The following FGF14 variants were observed in gnomAD, a reference collection of about 807,000 sequenced individuals.
The protein encoded by FGF14 is fibroblast growth factor 14.
Under a neutral mutation model 25.5 loss-of-function variants are expected in FGF14, and 5 were observed. The ratio of observed to expected loss-of-function variants is 0.20; its 90% CI spans 0.10 to 0.41. The LOEUF is 0.41. Among genes scored for constraint, FGF14 ranks in the 10% least tolerant of loss-of-function variants. FGF14 has a pLI of 1.00. For synonymous variants in FGF14, 138 were observed against 118.3 expected, an observed-to-expected ratio of 1.17 and a Z score of -1.08; for missense variants, 222 against 320.1, an observed-to-expected ratio of 0.69 and a Z score of 2.34.
At chr13:101,926,119 G>A (rs542255566) in intron 1 of FGF14, among the ~76,000 whole-genome samples, 13 of 152,250 alleles carry the variant, frequency 8.5e-5, no homozygotes, top group South Asian at 2.1e-4. Context: ...GTAAACTGAC[G>A]TATTCACATA....
intron 3 of FGF14, among the ~76,000 whole-genome samples, chr13:101,772,712 T>A (rs1263730533): frequency 6.6e-6 from 1 of 152,128 alleles, no homozygotes; most frequent in African/African-American, 2.4e-5. Flanking sequence ...ATCCCACAAA[T>A]TCTTCAAGTT....
chr13:102,342,544 T>C (rs949744948), intron 1 of FGF14, among the ~76,000 whole-genome samples: 3 of 152,224 alleles, frequency 2.0e-5, no homozygotes, highest in Non-Finnish European at 2.9e-5. Flanking sequence ...GCAATGGCAA[T>C]GACTAATTCT....
intron 1 of FGF14, among the ~76,000 whole-genome samples, chr13:101,948,846 G>C (rs1010589295): frequency 6.6e-6 from 1 of 152,040 alleles, no homozygotes; most frequent in Non-Finnish European, 1.5e-5. Context: ...ACTTTGCCTT[G>C]AATTTTTTAA....
intron 1 of FGF14, among the ~76,000 whole-genome samples, chr13:102,081,591 A>G (rs1449571422): frequency 3.9e-5 from 6 of 152,202 alleles, no homozygotes; most frequent in African/African-American, 1.4e-4. Flanking sequence ...TCTTTTTAAA[A>G]AAAAAATTGT....
At chr13:102,101,954 C>A (rs1303844022) in intron 1 of FGF14, among the ~76,000 whole-genome samples, 6 of 152,140 alleles carry the variant, frequency 3.9e-5, no homozygotes, top group Admixed American at 1.3e-4. Context: ...CCACCTGTCT[C>A]GGCCTCCCAA....
At chr13:102,216,695 A>T (rs571916932) in intron 1 of FGF14, among the ~76,000 whole-genome samples, 1 of 152,168 alleles carries the variant, frequency 6.6e-6, no homozygotes, top group Non-Finnish European at 1.5e-5. Flanking sequence ...ATTTTCAAAC[A>T]TACAACATAT....
chr13:101,817,322 T>C (rs2041894164), intron 3 of FGF14, among the ~76,000 whole-genome samples: 1 of 152,152 alleles, frequency 6.6e-6, no homozygotes. Flanking sequence ...TACAATTAAT[T>C]AACAAAGAAT....
At chr13:101,911,668 C>A (rs2032948395) in intron 1 of FGF14, among the ~76,000 whole-genome samples, 1 of 152,034 alleles carries the variant, frequency 6.6e-6, no homozygotes, top group African/African-American at 2.4e-5. Context: ...TTAGAAATTG[C>A]ATTTATAGTA....
intron 3 of FGF14, among the ~76,000 whole-genome samples, chr13:101,824,446 G>T: frequency 6.6e-6 from 1 of 151,864 alleles, no homozygotes; most frequent in African/African-American, 2.4e-5. Context: ...TTACTTCTTC[G>T]TTTTCTCTCC....
At chr13:101,882,225 T>G (rs938888586) in intron 1 of FGF14, among the ~76,000 whole-genome samples, 11 of 152,134 alleles carry the variant, frequency 7.2e-5, no homozygotes, top group African/African-American at 2.4e-4. Context: ...TGCTGCTTGA[T>G]TCATTCACAG....
At chr13:102,009,217 T>C (rs1433711989) in intron 1 of FGF14, among the ~76,000 whole-genome samples, 1 of 152,160 alleles carries the variant, frequency 6.6e-6, no homozygotes, top group Non-Finnish European at 1.5e-5. Flanking sequence ...TGAAATCATA[T>C]TTTGTAACAC....
At chr13:102,092,370 A>G (rs971670038) in intron 1 of FGF14, among the ~76,000 whole-genome samples, 1 of 152,194 alleles carries the variant, frequency 6.6e-6, no homozygotes, top group African/African-American at 2.4e-5. Context: ...TATCCCAATT[A>G]CGGGTGACCA....
chr13:102,376,168 T>C (rs141132132), intron 1 of FGF14, among the ~76,000 whole-genome samples: 73 of 152,286 alleles, frequency 4.8e-4, no homozygotes, highest in African/African-American at 1.6e-3. Flanking sequence ...GTGGACATAA[T>C]TGAATCTGGG....
At chr13:102,047,881 A>G (rs2042059295) in intron 1 of FGF14, among the ~76,000 whole-genome samples, 1 of 152,284 alleles carries the variant, frequency 6.6e-6, no homozygotes, top group South Asian at 2.1e-4. Flanking sequence ...AAGGAAATTT[A>G]AACCCACTTT....
rs144281811 is a variant in FGF14, at chr13:102,224,475, G to A, written c.208+176996C>T. 5.1e-3 allele frequency among the ~76,000 whole-genome samples: 775 copies of A among 152,168 alleles called. 7 individuals carry two copies. Among genetic ancestry groups the A allele is most frequent in the African/African-American group, 0.017 (725 of 41,520 alleles). On this transcript the variant is annotated intron_variant, in intron 1 of 4. Coordinates refer to the FGF14 transcript ENST00000376131. ...CCATCATGTTATAGATTCGAATGTC[G>A]CTATGCTGAATTAATAGATCCCATT...
intron 4 of FGF14, among the ~76,000 whole-genome samples, chr13:101,724,597 A>AACATATATAT (rs1476607460): frequency 3.3e-5 from 4 of 121,286 alleles, no homozygotes; most frequent in Non-Finnish European, 5.2e-5. Context: ...ATAATAATAA[A>AACATATATAT]ATATATATAT....
chr13:101,825,303 G>A (rs1305196661), intron 3 of FGF14, among the ~76,000 whole-genome samples: 1 of 152,198 alleles, frequency 6.6e-6, no homozygotes, highest in African/African-American at 2.4e-5. Context: ...ATGGAGAGTT[G>A]AAGTGTGTGA....
intron 1 of FGF14, among the ~76,000 whole-genome samples, chr13:102,144,217 C>T (rs962268933): frequency 2.6e-5 from 4 of 152,000 alleles, no homozygotes; most frequent in African/African-American, 7.2e-5. Flanking sequence ...GTATCTGGCC[C>T]GCCATGCATA....
At chr13:101,977,787 G>T (rs537808999) in intron 1 of FGF14, among the ~76,000 whole-genome samples, 2 of 152,170 alleles carry the variant, frequency 1.3e-5, no homozygotes, top group South Asian at 2.1e-4. Flanking sequence ...ATCATCATTG[G>T]ACTCTACATT....
Sources: allele counts gnomAD v4.1 joint callset (sites outside exome capture counted in the v4.1 genomes callset), GRCh38; gene constraint gnomAD v4.1.1; transcripts MANE v1.5; gene names NCBI Gene and HGNC (gene_info 2026-07-23, HGNC 2026-07-21).